Variants in MYO18A observed in about 807,000 individuals in gnomAD.
The protein encoded by MYO18A is unconventional myosin-XVIIIa.
MYO18A carries 78 observed loss-of-function variants against 235.8 expected under a neutral mutation model. The observed-to-expected ratio is 0.33, with a 90% CI of 0.28 to 0.40. The LOEUF is 0.40. Among genes scored for constraint, MYO18A ranks in the 10% least tolerant of loss-of-function variants. The probability of loss-of-function intolerance (pLI) is 1.00; values close to 1 mark genes in which losing one functional copy is unlikely to be tolerated. For synonymous variants in MYO18A, 977 were observed against 1,077.8 expected (o/e 0.91, Z 1.83); for missense variants, 2,215 against 2,699.3 (o/e 0.82, Z 3.98).
rs1398019088 is a variant in MYO18A, at chr17:29,110,641, T to C, written c.2901-19A>G. The C allele has an allele frequency of 3.1e-6, 5 of 1,593,888 alleles. No homozygotes were observed. The South Asian group carries it at 4.5e-5, about 14-fold the overall frequency. ...GATTTTTCTGCCAGAGGTGGGAGGA[T>C]AAGGGAGGAAAAGCAGTCACATCGA... is the stretch of plus-strand genomic sequence containing the variant. On this transcript the variant is annotated intron_variant, in intron 17 of 41. Transcript: ENST00000527372.
At chr17:29,171,036 G>A (rs55731015) in intron 1 of MYO18A, among the ~76,000 whole-genome samples, 39,897 of 152,112 alleles carry the variant, frequency 0.26, 5,646 homozygotes, top group East Asian at 0.57. Flanking sequence ...ACCTATGGTG[G>A]GGGTAGGAGT....
intron 30 of MYO18A, 92 bp from the exon 31 acceptor site, chr17:29,094,182 G>T: frequency 1.1e-6 from 1 of 889,982 alleles, no homozygotes; most frequent in South Asian, 1.5e-5. Context: ...CTCAGGGGCC[G>T]AGAACGTCCA....
chr17:29,115,623 G>A (rs1479493003), intron 12 of MYO18A, 41 bp downstream of exon 12: 1 of 1,547,604 alleles, frequency 6.5e-7, no homozygotes, highest in Non-Finnish European at 8.7e-7. Context: ...CCCCAGATGA[G>A]GCCTCACACT....
Position 29,158,035 on chromosome 17 carries a change from C to T in MYO18A, c.999+7907G>A, listed in dbSNP as rs1247046661. 1.3e-5 allele frequency among the ~76,000 whole-genome samples: 2 copies of T among 152,212 alleles called. No homozygotes were observed. On this transcript the variant is annotated intron_variant, in intron 2 of 41. Coordinates refer to ENST00000527372, the MANE Select transcript of MYO18A (RefSeq NM_078471.4). The surrounding 1 kb of genome is among the most constrained non-coding windows in gnomAD (Gnocchi z 4.3). ...TCTCAAACTCCTAGGCTCAAGCGAT[C>T]TGCCCACCTCAGCCTCCCAAAGTGC...
At position 29,121,678 on chromosome 17, in the gene MYO18A, C is replaced by A; in HGVS notation, c.1240G>T (p.Val414Leu). 6.4e-7 allele frequency: 1 copy of A among 1,563,992 alleles called. No individual in the cohort carries two copies. The highest frequency in any genetic ancestry group is 8.7e-7 in the Non-Finnish European group (1 of 1,154,188). Residue 414 changes from valine to leucine, a missense_variant, in exon 5 of 42, where the codon GTG (valine) becomes TTG (leucine). Physicochemically the swap from Val to Leu is conservative, Grantham distance 32 (BLOSUM62 1). Transcript: ENST00000527372. The surrounding 1 kb of genome is among the most constrained non-coding windows in gnomAD (Gnocchi z 4.2). ...AGGACGCTGGACTCATTGAGGTACA[C>A]CAGTGAGGCCAGATCCTCCAGACGG... ...CDRLEDLASLVYLNESSVLHT... is the reference protein window; with the variant it reads ...CDRLEDLASLLYLNESSVLHT...
chr17:29,146,238 A>G (rs1222685993), intron 2 of MYO18A, among the ~76,000 whole-genome samples: 2 of 151,718 alleles, frequency 1.3e-5, no homozygotes, highest in Non-Finnish European at 2.9e-5. Context: ...AGCCCGGGCG[A>G]CAGAGAGAGA....
chr17:29,081,798 T>A (rs1156806030), intron 41 of MYO18A, among the ~76,000 whole-genome samples: 1 of 151,590 alleles, frequency 6.6e-6, no homozygotes, highest in Non-Finnish European at 1.5e-5. Flanking sequence ...CCCCAGTGGA[T>A]GGGTATTAGG....
In MYO18A at chr17:29,120,882, G is replaced by A. The variant is rs2067181438; in HGVS notation, c.1585+116C>T. ...GACCAGAACTGCCCGTGGACAGAGG[G>A]GTTTCGGGGGGATGGAAAGGCCAGG... On this transcript the variant is annotated intron_variant, in intron 6 of 41. Coordinates refer to ENST00000527372, the MANE Select transcript of MYO18A (RefSeq NM_078471.4). This position sits in a 1 kb window ranked among gnomAD's most constrained non-coding sequence, Gnocchi z 4.2. 1.9e-6 allele frequency: 3 copies of A among 1,558,128 alleles called. No homozygotes were observed. Among genetic ancestry groups the A allele is most frequent in the Admixed American group, 1.7e-5 (1 of 57,310 alleles).
chr17:29,148,155 T>C (rs567258434), intron 2 of MYO18A, among the ~76,000 whole-genome samples: 3 of 152,208 alleles, frequency 2.0e-5, no homozygotes, highest in Middle Eastern at 3.4e-3. Context: ...ATGAGATATA[T>C]ATATCTTAAC....
chr17:29,125,827 G>T lies in MYO18A; in HGVS notation c.1000-3574C>A. On this transcript the variant is annotated intron_variant, in intron 2 of 41. Coordinates refer to ENST00000527372, the MANE Select transcript of MYO18A (RefSeq NM_078471.4). This position sits in a 1 kb window ranked among gnomAD's most constrained non-coding sequence, Gnocchi z 5.1. ...CAGCGCGCCTACAGACACACACAGG[G>T]TCCTGCCGCCAGCCTCAGGAAGAGG... 1 of 853,210 alleles carries T rather than the reference G, an allele frequency of 1.2e-6. No homozygotes were observed. Among genetic ancestry groups the T allele is most frequent in the Non-Finnish European group, 1.4e-6 (1 of 708,330 alleles). 52.9% of individuals were successfully genotyped at this position (853,210 alleles called of 1,614,324 possible).
At chr17:29,139,540 C>T (rs2067686150) in intron 2 of MYO18A, among the ~76,000 whole-genome samples, 1 of 152,132 alleles carries the variant, frequency 6.6e-6, no homozygotes, top group Non-Finnish European at 1.5e-5. Flanking sequence ...ATCTCAGGCT[C>T]CTGATGCACC....
chr17:29,177,304 C>A (rs982659327), intron 1 of MYO18A, among the ~76,000 whole-genome samples: 3 of 152,166 alleles, frequency 2.0e-5, no homozygotes, highest in African/African-American at 7.2e-5. Flanking sequence ...TGATGATAAA[C>A]TACTTGGCAG....
intron 27 of MYO18A, 152 bp from the exon 28 acceptor site, chr17:29,097,067 G>C: frequency 7.3e-7 from 1 of 1,374,822 alleles, no homozygotes; most frequent in South Asian, 1.4e-5. Context: ...ATGATAGCTT[G>C]CTCCTGATTG....
rs773394243 is a variant in MYO18A at position 29,113,975 on chromosome 17, G to A, written c.2598+36C>T. On this transcript the variant is annotated intron_variant, in intron 15 of 41. Coordinates refer to ENST00000527372, the MANE Select transcript of MYO18A (RefSeq NM_078471.4). The stretch of plus-strand genomic sequence containing the variant: ...ACGGGGAGAGGGGTGGGGAACGAGA[G>A]GAAAGGCTTGCCCAAACCCTCTCTG... 6.1e-5 allele frequency: 93 copies of A among 1,520,794 alleles called. 1 individual carries two copies. The Middle Eastern group carries it at 5.1e-3, about 83-fold the overall frequency. 94.2% of individuals were successfully genotyped at this position (1,520,794 alleles called of 1,614,324 possible).
At chr17:29,129,698 C>T (rs572282105) in intron 2 of MYO18A, among the ~76,000 whole-genome samples, 24 of 152,362 alleles carry the variant, frequency 1.6e-4, no homozygotes, top group African/African-American at 5.8e-4. Flanking sequence ...TGCTTGGATG[C>T]AGGAAGACGC....
At chr17:29,144,264 C>T (rs548382349) in intron 2 of MYO18A, among the ~76,000 whole-genome samples, 27 of 152,334 alleles carry the variant, frequency 1.8e-4, no homozygotes, top group African/African-American at 6.3e-4. Context: ...ATAATCTGGC[C>T]CCTCCTCAGA....
At chr17:29,114,439 G>A (rs966879161) in intron 14 of MYO18A, among the ~76,000 whole-genome samples, 1 of 152,064 alleles carries the variant, frequency 6.6e-6, no homozygotes, top group African/African-American at 2.4e-5. Flanking sequence ...ATCCTCTCTC[G>A]CCCCAAATAA....
intron 2 of MYO18A, among the ~76,000 whole-genome samples, chr17:29,143,276 A>T (rs531496608): frequency 1.7e-4 from 26 of 152,300 alleles, no homozygotes; most frequent in African/African-American, 5.8e-4. Flanking sequence ...TCTTTTGCCC[A>T]GGCTGGAGTG....
Position 29,111,145 on chromosome 17 carries a change from C to T in MYO18A, c.2900+279G>A, listed in dbSNP as rs1422013362. 5.3e-5 allele frequency among the ~76,000 whole-genome samples: 8 copies of T among 152,046 alleles called. No homozygotes were observed. Among genetic ancestry groups the T allele is most frequent in the Admixed American group, 3.3e-4 (5 of 15,276 alleles). The stretch of plus-strand genomic sequence containing the variant: ...GAAGAGTAGAACGGATGACAGGGCC[C>T]GTGGGGCTGGGGGTTCTAAGGCCGC... On this transcript the variant is annotated intron_variant, in intron 17 of 41. Transcript: ENST00000527372. The surrounding 1 kb of genome is among the most constrained non-coding windows in gnomAD (Gnocchi z 5.1).
Sources: allele counts gnomAD v4.1 joint callset (sites outside exome capture counted in the v4.1 genomes callset), GRCh38; gene constraint gnomAD v4.1.1; non-coding constraint Gnocchi (gnomAD v3.1); transcripts MANE v1.5; gene names NCBI Gene and HGNC (gene_info 2026-07-23, HGNC 2026-07-21).